Variants in SNTG1 observed in about 807,000 individuals in gnomAD.
SNTG1 encodes the protein syntrophin gamma 1.
In SNTG1, 39 loss-of-function variants were observed where a neutral mutation model predicts 74.7. The ratio of observed to expected loss-of-function variants is 0.52; its 90% CI spans 0.40 to 0.68. The LOEUF (loss-of-function observed/expected upper bound fraction) is 0.68. Among genes scored for constraint, SNTG1 ranks in the 30% least tolerant of loss-of-function variants. The probability of loss-of-function intolerance (pLI) is 0.00; values close to 1 mark genes in which losing one functional copy is unlikely to be tolerated. For synonymous variants in SNTG1, 254 were observed against 217.1 expected (o/e 1.17, Z -1.49); for missense variants, 685 against 609.5 (o/e 1.12, Z -1.30).
chr8:49,922,720 A>G (rs770724074), intron 1 of SNTG1, among the ~76,000 whole-genome samples: 3 of 152,156 alleles, frequency 2.0e-5, no homozygotes, highest in Non-Finnish European at 4.4e-5. Flanking sequence ...ATGAATAATT[A>G]TCTGGTTTTA....
chr8:50,516,903 T>C (rs117338127), intron 9 of SNTG1, among the ~76,000 whole-genome samples: 8,258 of 152,142 alleles, frequency 0.054, 338 homozygotes, highest in South Asian at 0.18. Context: ...TTCCCCTACA[T>C]AGCAAGGCAG....
At chr8:50,094,245 A>G (rs2079847360) in intron 1 of SNTG1, among the ~76,000 whole-genome samples, 3 of 152,110 alleles carry the variant, frequency 2.0e-5, no homozygotes, top group Admixed American at 2.0e-4. Context: ...GGGAAAGAAG[A>G]TGGAACTGAA....
chr8:50,242,667 T>A (rs2086217742), intron 2 of SNTG1, among the ~76,000 whole-genome samples: 1 of 151,582 alleles, frequency 6.6e-6, no homozygotes, highest in Non-Finnish European at 1.5e-5. Context: ...AGTCATTATC[T>A]ACTCTGTATC....
At chr8:50,011,386 G>A (rs1024975263) in intron 1 of SNTG1, among the ~76,000 whole-genome samples, 41 of 152,082 alleles carry the variant, frequency 2.7e-4, no homozygotes, top group Admixed American at 1.8e-3. Flanking sequence ...CCCAATGCAG[G>A]GAGGTGCCAT....
chr8:50,443,177 T>A (rs1389904127), intron 5 of SNTG1, among the ~76,000 whole-genome samples: 1 of 152,228 alleles, frequency 6.6e-6, no homozygotes, highest in Non-Finnish European at 1.5e-5. Flanking sequence ...AAGCAAGCCA[T>A]CGTCTTGCCC....
intron 18 of SNTG1, among the ~76,000 whole-genome samples, chr8:50,778,993 G>A (rs2095649868): frequency 1.3e-5 from 2 of 152,116 alleles, no homozygotes; most frequent in African/African-American, 4.8e-5. Flanking sequence ...TCTCAGGTTT[G>A]TCAAAGATCA....
At chr8:50,475,675 A>T (rs1406854640) in intron 8 of SNTG1, among the ~76,000 whole-genome samples, 2 of 152,186 alleles carry the variant, frequency 1.3e-5, no homozygotes, top group Non-Finnish European at 2.9e-5. Flanking sequence ...TTGTGCTCCT[A>T]GAGTAATGCC....
At chr8:50,633,150 C>A (rs2095014306) in intron 13 of SNTG1, among the ~76,000 whole-genome samples, 1 of 90,100 alleles carries the variant, frequency 1.1e-5, no homozygotes, top group Non-Finnish European at 3.0e-5. Flanking sequence ...TCTTCCATTT[C>A]ATTGCCTATT....
intron 2 of SNTG1, among the ~76,000 whole-genome samples, chr8:50,308,180 A>G: frequency 6.6e-6 from 1 of 151,628 alleles, no homozygotes; most frequent in East Asian, 1.9e-4. Flanking sequence ...GCACCTTCAG[A>G]CTTTATCAGA....
chr8:50,619,503 G>A (rs1349916291), intron 13 of SNTG1, among the ~76,000 whole-genome samples: 4 of 152,150 alleles, frequency 2.6e-5, no homozygotes, highest in East Asian at 3.9e-4. Context: ...AGGCCGAGGC[G>A]GGCAGATCAC....
rs2095700073 is a variant in SNTG1 at position 50,794,533 on chromosome 8, A to T, written c.*1704A>T. On this transcript the variant is annotated 3_prime_UTR_variant, in exon 19 of 19. Coordinates refer to ENST00000642720, the MANE Select transcript of SNTG1 (RefSeq NM_018967.5). ...AACTAAGTACACATTTGTAATTAGG[A>T]TAGAACTTTAGAATTATTGCACACT... The T allele has an allele frequency of 6.6e-6, 1 of 152,032 alleles. No individual in the cohort carries two copies. Among genetic ancestry groups the T allele is most frequent in the South Asian group, 2.1e-4 (1 of 4,836 alleles). The allele number at this position is 152,032 out of a possible 1,614,324, so 9.4% of individuals were successfully genotyped here.
At chr8:49,999,302 T>C (rs1814528635) in intron 1 of SNTG1, among the ~76,000 whole-genome samples, 1 of 152,170 alleles carries the variant, frequency 6.6e-6, no homozygotes, top group Non-Finnish European at 1.5e-5. Flanking sequence ...TACATTTACA[T>C]CATTAAGAGT....
At chr8:50,687,155 AAAAT>A in intron 15 of SNTG1, among the ~76,000 whole-genome samples, 1 of 31,542 alleles carries the variant, frequency 3.2e-5, no homozygotes, top group East Asian at 1.4e-3. Context: ...AAAAAAAAAT[AAAAT>A]AAACATGAAA....
chr8:50,174,658 A>G (rs2082929771), intron 2 of SNTG1, among the ~76,000 whole-genome samples: 1 of 152,320 alleles, frequency 6.6e-6, no homozygotes, highest in Middle Eastern at 3.4e-3. Context: ...TACTTCAAAT[A>G]AAATCTCATA....
chr8:50,647,800 T>G (rs1357916857), intron 13 of SNTG1, among the ~76,000 whole-genome samples: 1 of 152,182 alleles, frequency 6.6e-6, no homozygotes, highest in African/African-American at 2.4e-5. Flanking sequence ...GAAGTCCTCT[T>G]GTCATTTAAT....
chr8:50,487,569 C>T (rs868333204), intron 8 of SNTG1, among the ~76,000 whole-genome samples: 24 of 152,040 alleles, frequency 1.6e-4, no homozygotes, highest in Non-Finnish European at 2.9e-4. Context: ...TCATCATTCT[C>T]AGTAAACTAT....
intron 1 of SNTG1, among the ~76,000 whole-genome samples, chr8:50,161,864 T>C (rs2082428840): frequency 1.3e-5 from 2 of 152,156 alleles, no homozygotes; most frequent in African/African-American, 2.4e-5. Context: ...GAGATAATTG[T>C]CTTTAAAAAA....
At chr8:50,162,478 C>T (rs2082452637) in intron 1 of SNTG1, among the ~76,000 whole-genome samples, 2 of 148,250 alleles carry the variant, frequency 1.3e-5, no homozygotes, top group African/African-American at 2.5e-5. Context: ...AGGAGAACGG[C>T]ATGAACCCGG....
intron 17 of SNTG1, among the ~76,000 whole-genome samples, chr8:50,722,000 G>A (rs2095488745): frequency 6.6e-6 from 1 of 151,492 alleles, no homozygotes; most frequent in Non-Finnish European, 1.5e-5. Context: ...AACAAATGAT[G>A]GATTACATAT....
Sources: allele counts gnomAD v4.1 joint callset (sites outside exome capture counted in the v4.1 genomes callset), GRCh38; gene constraint gnomAD v4.1.1; transcripts MANE v1.5; gene names NCBI Gene and HGNC (gene_info 2026-07-23, HGNC 2026-07-21).